EIPR1: variants seen among roughly 807,000 people sequenced by gnomAD.
The protein encoded by EIPR1 is EARP and GARP complex-interacting protein 1.
A neutral mutation model predicts 48.1 loss-of-function variants in EIPR1; 25 were observed. That is an observed-to-expected ratio of 0.52 (90% CI 0.38 to 0.73). The LOEUF (loss-of-function observed/expected upper bound fraction) is 0.73, where lower values mean the gene tolerates loss of function less well. EIPR1 is among the 30% of genes least tolerant of loss of function. EIPR1 has a pLI of 0.00. For missense variants in EIPR1, 415 were observed against 506.2 expected, an observed-to-expected ratio of 0.82 and a Z score of 1.73; for synonymous variants, 204 against 201.9, an observed-to-expected ratio of 1.01 and a Z score of -0.09.
intron 3 of EIPR1, among the ~76,000 whole-genome samples, chr2:3,323,566 G>A (rs981373118): frequency 1.5e-4 from 23 of 152,214 alleles, no homozygotes; most frequent in African/African-American, 4.8e-4. Context: ...CTCAGCCAAC[G>A]TTCGCCGTGT....
At position 3,341,667 on chromosome 2, in the gene EIPR1, T is replaced by C. The variant is rs530659926; in HGVS notation, c.127-3518A>G. Among the ~76,000 whole-genome samples, 5 of 150,466 alleles carry C rather than the reference T, an allele frequency of 3.3e-5. No individual in the cohort carries two copies. The East Asian group carries it at 9.8e-4, about 30-fold the overall frequency. ...GTGTGAATGTGCATGTATGTGTGGG[T>C]GTGAGGCAGGTGCAGGCGTGTGGGA... is the stretch of plus-strand genomic sequence containing the variant. On this transcript the variant is annotated intron_variant, in intron 2 of 8. Coordinates refer to ENST00000382125, the MANE Select transcript of EIPR1 (RefSeq NM_003310.5).
chr2:3,210,906 T>G (rs1007685832), intron 5 of EIPR1, among the ~76,000 whole-genome samples: 2 of 152,148 alleles, frequency 1.3e-5, no homozygotes, highest in South Asian at 2.1e-4. Context: ...CCCAAAGTGC[T>G]GGGATTACAG....
chr2:3,259,736 G>A (rs960163068), intron 3 of EIPR1, among the ~76,000 whole-genome samples: 1 of 152,164 alleles, frequency 6.6e-6, no homozygotes, highest in African/African-American at 2.4e-5. Flanking sequence ...AAGGATAGAA[G>A]AGCAATGAAG....
At chr2:3,334,675 C>T (rs1231207145) in intron 3 of EIPR1, among the ~76,000 whole-genome samples, 1 of 152,246 alleles carries the variant, frequency 6.6e-6, no homozygotes, top group Non-Finnish European at 1.5e-5. Flanking sequence ...CAGGAACTTG[C>T]AGCATTTCAC....
chr2:3,306,519 AACT>A lies in EIPR1; in HGVS notation c.259+31495_259+31497del, dbSNP rs544476065. Among the ~76,000 whole-genome samples the A allele has an allele frequency of 5.9e-5, 9 of 152,354 alleles. No homozygotes were observed. The South Asian group carries it at 1.9e-3, about 32-fold the overall frequency. ...GTAACTTTTGGCTCCCCAAAAACTTAACTACTAATAGCCCACTGTTGCCCAGAA... is the reference window on the plus strand; with the variant it reads ...GTAACTTTTGGCTCCCCAAAAACTTAACTAATAGCCCACTGTTGCCCAGAA... On this transcript the variant is annotated intron_variant, in intron 3 of 8. Transcript: ENST00000382125.
chr2:3,223,562 C>G (rs545684983), intron 4 of EIPR1, among the ~76,000 whole-genome samples: 8 of 152,312 alleles, frequency 5.3e-5, no homozygotes, highest in African/African-American at 1.9e-4. Context: ...GTCTGTTTAT[C>G]AAGTACAAGT....
intron 4 of EIPR1, among the ~76,000 whole-genome samples, chr2:3,255,268 C>T (rs1345528518): frequency 2.6e-5 from 4 of 151,876 alleles, no homozygotes; most frequent in Non-Finnish European, 4.4e-5. Flanking sequence ...CTGCAACCTC[C>T]GCCTCCCAGA....
At chr2:3,373,813 T>C (rs1210063915) in intron 1 of EIPR1, among the ~76,000 whole-genome samples, 2 of 151,354 alleles carry the variant, frequency 1.3e-5, no homozygotes, top group Non-Finnish European at 3.0e-5. Flanking sequence ...CCAAGGTAAT[T>C]TATAGATTCA....
intron 3 of EIPR1, among the ~76,000 whole-genome samples, chr2:3,270,084 G>C (rs1667658602): frequency 6.6e-6 from 1 of 152,222 alleles, no homozygotes; most frequent in South Asian, 2.1e-4. Context: ...TTGTCCAGAT[G>C]GGCAGATGGG....
At chr2:3,244,342 C>G in intron 4 of EIPR1, among the ~76,000 whole-genome samples, 1 of 152,214 alleles carries the variant, frequency 6.6e-6, no homozygotes, top group East Asian at 1.9e-4. Context: ...GTTAAAATTC[C>G]TTACATGCAG....
At chr2:3,245,038 T>C (rs561883953) in intron 4 of EIPR1, among the ~76,000 whole-genome samples, 9 of 152,356 alleles carry the variant, frequency 5.9e-5, no homozygotes, top group Admixed American at 4.6e-4. Flanking sequence ...CTAGAATAAG[T>C]TGCGCCTGTA....
intron 3 of EIPR1, among the ~76,000 whole-genome samples, chr2:3,314,166 G>C (rs1669215074): frequency 6.6e-6 from 1 of 152,202 alleles, no homozygotes; most frequent in African/African-American, 2.4e-5. Flanking sequence ...GCGCCAGCGT[G>C]ATCTACAGTC....
intron 5 of EIPR1, among the ~76,000 whole-genome samples, chr2:3,200,264 G>A (rs1020478032): frequency 6.6e-6 from 1 of 152,090 alleles, no homozygotes; most frequent in South Asian, 2.1e-4. Context: ...TGTGCCCCCG[G>A]CCCAGCTCCC....
At chr2:3,214,447 C>T (rs1665560841) in intron 4 of EIPR1, 199 bp from the exon 5 acceptor site, 1 of 482,164 alleles carries the variant, frequency 2.1e-6, no homozygotes, top group South Asian at 2.7e-5. Flanking sequence ...ATTGTGCCCC[C>T]CTCCCCAGAT....
intron 4 of EIPR1, among the ~76,000 whole-genome samples, chr2:3,226,071 G>C (rs546045001): frequency 1.3e-5 from 2 of 152,178 alleles, no homozygotes; most frequent in Admixed American, 6.5e-5. Context: ...TCTACATCTT[G>C]GCTACTGTGA....
intron 4 of EIPR1, among the ~76,000 whole-genome samples, chr2:3,225,807 C>T (rs1207410519): frequency 2.0e-5 from 3 of 152,194 alleles, no homozygotes; most frequent in African/African-American, 7.2e-5. Flanking sequence ...TCCAACCCCT[C>T]CCACCAGCCT....
At chr2:3,218,224 A>C (rs1665714560) in intron 4 of EIPR1, among the ~76,000 whole-genome samples, 1 of 150,046 alleles carries the variant, frequency 6.7e-6, no homozygotes, top group African/African-American at 2.5e-5. Context: ...AGTCAGGTGC[A>C]CACTCAACAC....
chr2:3,222,178 G>A (rs767839137), intron 4 of EIPR1, among the ~76,000 whole-genome samples: 45 of 152,196 alleles, frequency 3.0e-4, no homozygotes, highest in Non-Finnish European at 4.6e-4. Flanking sequence ...TCACTGCAAC[G>A]CCTTCTTCCC....
chr2:3,222,211 T>C (rs1240048671), intron 4 of EIPR1, among the ~76,000 whole-genome samples: 1 of 152,242 alleles, frequency 6.6e-6, no homozygotes, highest in Non-Finnish European at 1.5e-5. Context: ...AAATGGGTCA[T>C]CTTAGCCTAG....
Sources: allele counts gnomAD v4.1 joint callset (sites outside exome capture counted in the v4.1 genomes callset), GRCh38; gene constraint gnomAD v4.1.1; transcripts MANE v1.5; gene names NCBI Gene and HGNC (gene_info 2026-07-23, HGNC 2026-07-21).